Variants in AFF1 observed in about 807,000 individuals in gnomAD.
AFF1 encodes ALF transcription elongation factor 1.
A neutral mutation model predicts 121.7 loss-of-function variants in AFF1; 48 were observed. The observed-to-expected ratio is 0.39, with a 90% CI of 0.31 to 0.50. The LOEUF (loss-of-function observed/expected upper bound fraction) is 0.50. Ranked by LOEUF, AFF1 falls within the 20% of genes least tolerant of loss-of-function variation. The probability of loss-of-function intolerance (pLI) is 0.76; values close to 1 mark genes in which losing one functional copy is unlikely to be tolerated. For missense variants in AFF1, 1,523 were observed against 1,511.7 expected (o/e 1.01, Z -0.12); for synonymous variants, 613 against 563.0 (o/e 1.09, Z -1.26).
intron 2 of AFF1, among the ~76,000 whole-genome samples, chr4:86,950,833 C>T (rs1348112069): frequency 2.6e-5 from 4 of 152,206 alleles, no homozygotes; most frequent in Non-Finnish European, 5.9e-5. Context: ...TGGGTTTACA[C>T]ATACGTTTTA....
Position 87,131,175 on chromosome 4 carries a change from C to G in AFF1, c.3057C>G (p.Ser1019=), listed in dbSNP as rs745342627. 1.2e-5 allele frequency: 19 copies of G among 1,614,090 alleles called. No individual in the cohort carries two copies. The Admixed American group carries it at 2.5e-4, about 21-fold the overall frequency. Residue 1019 remains serine, a synonymous_variant, in exon 17 of 21, where the codon TCC becomes TCG. Coordinates refer to ENST00000395146, the MANE Select transcript of AFF1 (RefSeq NM_001166693.3). ...GIATESESQS[S]KSAYSVYSET... is the part of the protein sequence containing the mutation. ...CCACAGAGTCTGAAAGCCAGTCATC[C>G]AAGTCAGCTTACTCTGTCTACTCAG...
intron 2 of AFF1, among the ~76,000 whole-genome samples, chr4:87,015,616 G>GT (rs1408327109): frequency 6.6e-6 from 1 of 152,146 alleles, no homozygotes; most frequent in African/African-American, 2.4e-5. Context: ...GATGGTGTGA[G>GT]TTTTTTATTT....
intron 2 of AFF1, among the ~76,000 whole-genome samples, chr4:86,971,390 A>G (rs149794714): frequency 1.3e-5 from 2 of 152,302 alleles, no homozygotes; most frequent in African/African-American, 4.8e-5. Context: ...CTGATTTATG[A>G]TATTTTCTAG....
chr4:87,127,173 C>CA (rs1560657590), intron 15 of AFF1, 56 bp downstream of exon 15: 11 of 1,296,246 alleles, frequency 8.5e-6, no homozygotes, highest in South Asian at 3.6e-5. Flanking sequence ...GCTTCCCCCC[C>CA]CCACCAAGAT....
chr4:86,976,095 CAAGG>C (rs1560512100), intron 2 of AFF1, among the ~76,000 whole-genome samples: 2 of 152,014 alleles, frequency 1.3e-5, no homozygotes, highest in Non-Finnish European at 2.9e-5. Context: ...AGGGATGTAA[CAAGG>C]AAGGGAACTT....
chr4:87,127,666 G>C lies in AFF1; in HGVS notation c.2927G>C (p.Arg976Thr), dbSNP rs200120936. 6.2e-7 allele frequency: 1 copy of C among 1,614,092 alleles called. No homozygotes were observed. Among genetic ancestry groups the C allele is most frequent in the Non-Finnish European group, 8.5e-7 (1 of 1,180,002 alleles). ...FDKQQADLHMREAKKMKQKAE... is the reference protein window; with the variant it reads ...FDKQQADLHMTEAKKMKQKAE... The stretch of plus-strand genomic sequence containing the variant: ...AGACAACAAGCAGACCTTCACATGA[G>C]GGAGGCAAAAAAGATGAAGCAGAAA... Residue 976 changes from arginine (R) to threonine (T), a missense_variant, in exon 16 of 21, where the codon AGG (arginine) becomes ACG (threonine). Arg to Thr is a moderately conservative substitution (Grantham distance 71). Around this residue, in one of 5 missense-constraint regions of AFF1, gnomAD observed 905 missense variants for 842.5 expected, o/e 1.07. Coordinates refer to ENST00000395146, the MANE Select transcript of AFF1 (RefSeq NM_001166693.3).
intron 2 of AFF1, among the ~76,000 whole-genome samples, chr4:87,006,409 C>T (rs192981021): frequency 1.3e-5 from 2 of 152,178 alleles, no homozygotes; most frequent in Non-Finnish European, 2.9e-5. Flanking sequence ...ATTGCATGCT[C>T]AAGTTTTTTG....
intron 2 of AFF1, among the ~76,000 whole-genome samples, chr4:86,996,975 G>C (rs1400446495): frequency 2.6e-5 from 4 of 152,090 alleles, no homozygotes; most frequent in Admixed American, 6.5e-5. Flanking sequence ...GCAGTGGCAC[G>C]ATCTCAGCTC....
At chr4:87,052,510 T>C (rs1731373443) in intron 4 of AFF1, among the ~76,000 whole-genome samples, 1 of 151,930 alleles carries the variant, frequency 6.6e-6, no homozygotes, top group Admixed American at 6.6e-5. Flanking sequence ...GAGATGGAAC[T>C]GGCGACATAG....
chr4:87,044,018 A>G (rs547664991), intron 2 of AFF1, among the ~76,000 whole-genome samples: 2 of 152,068 alleles, frequency 1.3e-5, no homozygotes, highest in South Asian at 4.1e-4. Context: ...AGGGTTCACC[A>G]TGTTGGCCAG....
intron 2 of AFF1, among the ~76,000 whole-genome samples, chr4:86,979,252 G>A (rs1166679012): frequency 9.2e-5 from 14 of 151,786 alleles, no homozygotes; most frequent in Admixed American, 5.9e-4. Flanking sequence ...CATGTGCCAC[G>A]AAGCCCGGCT....
chr4:86,970,231 T>A (rs539578717), intron 2 of AFF1, among the ~76,000 whole-genome samples: 11 of 152,316 alleles, frequency 7.2e-5, no homozygotes, highest in African/African-American at 2.6e-4. Flanking sequence ...CTCACACTTG[T>A]AATCCCAGCA....
At chr4:87,120,829 A>G (rs1727613300) in intron 12 of AFF1, among the ~76,000 whole-genome samples, 1 of 152,176 alleles carries the variant, frequency 6.6e-6, no homozygotes, top group Non-Finnish European at 1.5e-5. Context: ...ATGGCACCAA[A>G]TAAGTGTCAG....
chr4:86,988,127 G>C (rs568286796), intron 2 of AFF1, among the ~76,000 whole-genome samples: 1 of 152,000 alleles, frequency 6.6e-6, no homozygotes, highest in South Asian at 2.1e-4. Flanking sequence ...TTAAATCAGG[G>C]CAGGGCAATT....
rs1553909414 is a variant in AFF1 at position 86,959,507 on chromosome 4, T to TTC, written c.38+10936_38+10937insTC. On this transcript the variant is annotated intron_variant, in intron 2 of 20. Transcript: ENST00000395146. ...CTTAATACTCTTTTTTTTTTTTTTT[T>TTC]CCCAATGTGAGAGACTGGTAGAGAT... Among the ~76,000 whole-genome samples, 268 of 146,048 alleles carry TTC rather than the reference T, an allele frequency of 1.8e-3. 2 individuals are homozygous for TTC. The highest frequency in any genetic ancestry group is 8.6e-3 in the East Asian group (43 of 5,000).
At chr4:87,066,217 A>G (rs150944068) in intron 4 of AFF1, among the ~76,000 whole-genome samples, 2 of 152,332 alleles carry the variant, frequency 1.3e-5, no homozygotes, top group East Asian at 3.9e-4. Flanking sequence ...AAGCCTTAGA[A>G]TGGAGAAAAT....
chr4:87,091,486 T>C lies in AFF1; in HGVS notation c.1192-307T>C, dbSNP rs80133258. Among the ~76,000 whole-genome samples, 1,531 of 152,322 alleles carry C rather than the reference T, an allele frequency of 0.01. 119 individuals carry two copies. The East Asian group carries it at 0.17, about 17-fold the overall frequency. On this transcript the variant is annotated intron_variant, in intron 6 of 20. Transcript: ENST00000395146. Reference sequence around the variant, plus strand: ...AGCACTAAGCTCTGTAAAAATATCTTTGTGCAACAACAAAGGAAAAATAAA... The same window carrying C: ...AGCACTAAGCTCTGTAAAAATATCTCTGTGCAACAACAAAGGAAAAATAAA...
At chr4:86,964,883 C>T (rs542604515) in intron 2 of AFF1, among the ~76,000 whole-genome samples, 3 of 152,158 alleles carry the variant, frequency 2.0e-5, no homozygotes, top group Admixed American at 6.5e-5. Context: ...CTCATATATC[C>T]GTCTGAGTCG....
intron 4 of AFF1, among the ~76,000 whole-genome samples, chr4:87,053,691 C>CT: frequency 6.6e-6 from 1 of 152,282 alleles, no homozygotes; most frequent in Admixed American, 6.5e-5. Context: ...TGTGCCAGGC[C>CT]TGGTGCTGGG....
Sources: gnomAD v4.1 joint callset for allele counts (sites outside exome capture counted in the v4.1 genomes callset) on GRCh38, gnomAD v4.1.1 for gene constraint, gnomAD v4.1.1 regional missense constraint, MANE v1.5 for transcripts, NCBI Gene and HGNC (gene_info 2026-07-23, HGNC 2026-07-21) for gene names.